Variants in SCAMP4 observed in about 807,000 individuals in gnomAD.
SCAMP4 encodes the protein secretory carrier membrane protein 4.
SCAMP4 carries 19 observed loss-of-function variants against 32.1 expected under a neutral mutation model. The ratio of observed to expected loss-of-function variants is 0.59; its 90% confidence interval spans 0.41 to 0.87. SCAMP4 has a LOEUF of 0.87. Ranked by LOEUF, SCAMP4 falls within the 40% of genes least tolerant of loss-of-function variation. SCAMP4 has a pLI of 0.00. For synonymous variants in SCAMP4, 152 were observed against 132.7 expected, an observed-to-expected ratio of 1.15 and a Z score of -1.00; for missense variants, 302 against 309.0, an observed-to-expected ratio of 0.98 and a Z score of 0.17.
chr19:1,905,400 A>G lies in SCAMP4; in HGVS notation c.-81A>G, dbSNP rs1479590405. The stretch of plus-strand genomic sequence containing the variant: ...GTGGGTTGGGCCGGGCCGGTTGCTA[A>G]GACTTGGCGAAGCGCTGCGCTCGCG... On this transcript the variant is annotated 5_prime_UTR_variant, in exon 1 of 7. Transcript: ENST00000316097. 3 of 464,074 alleles carry G rather than the reference A, an allele frequency of 6.5e-6. No homozygotes were observed. The highest frequency in any genetic ancestry group is 1.3e-5 in the Non-Finnish European group (3 of 224,114). 28.7% of individuals were successfully genotyped at this position (464,074 alleles called of 1,614,324 possible).
intron 1 of SCAMP4, chr19:1,912,394 C>G: frequency 6.6e-7 from 1 of 1,517,828 alleles, no homozygotes. Flanking sequence ...GCTGGGCCGG[C>G]CTCGGGCCCG....
At chr19:1,913,667 A>C (rs771624596) in intron 1 of SCAMP4, among the ~76,000 whole-genome samples, 52 of 152,286 alleles carry the variant, frequency 3.4e-4, no homozygotes, top group Middle Eastern at 6.8e-3. Context: ...GTGTGTGGAC[A>C]CTAGGCGTAG....
chr19:1,921,440 C>T (rs769092425), intron 5 of SCAMP4: 67 of 985,300 alleles, frequency 6.8e-5, no homozygotes, highest in Non-Finnish European at 7.4e-5. Flanking sequence ...ACTGAGGACA[C>T]GGTGCAGCAG....
At chr19:1,910,259 C>T (rs985989319) in intron 1 of SCAMP4, among the ~76,000 whole-genome samples, 2 of 152,216 alleles carry the variant, frequency 1.3e-5, no homozygotes, top group Admixed American at 6.5e-5. Flanking sequence ...TTGCAACTCA[C>T]GCAGGCGTTG....
At chr19:1,914,908 C>T (rs552888690) in intron 1 of SCAMP4, 71 bp from the exon 2 acceptor site, 30 of 1,309,860 alleles carry the variant, frequency 2.3e-5, no homozygotes, top group Admixed American at 1.7e-4. Context: ...TTTTCAGCCA[C>T]GGTGGGTGGG....
intron 1 of SCAMP4, chr19:1,912,737 C>T (rs772217622): frequency 5.2e-6 from 8 of 1,539,130 alleles, no homozygotes; most frequent in Admixed American, 1.9e-5. Context: ...GCCACGACTG[C>T]AGCTGCGCGG....
At chr19:1,911,996 G>T in intron 1 of SCAMP4, 1 of 1,411,484 alleles carries the variant, frequency 7.1e-7, no homozygotes, top group South Asian at 1.5e-5. Flanking sequence ...GTGGAGCCAC[G>T]GCCTCCCGGG....
Position 1,918,281 on chromosome 19 carries a change from C to T in SCAMP4, c.291C>T (p.Phe97=). ...VCWFRPVYKA[F]RADSSFNFMA... is the part of the protein sequence containing the mutation. Reference sequence around the variant, plus strand: ...GGTTCCGGCCTGTCTACAAGGCCTTCCGGTGAGCAGAGCTGCCGGGGGCCG... The same window carrying T: ...GGTTCCGGCCTGTCTACAAGGCCTTTCGGTGAGCAGAGCTGCCGGGGGCCG... The change falls in exon 4 of 7, where the codon TTC becomes TTT. Residue 97 remains phenylalanine, a splice_region_variant and synonymous_variant. Coordinates refer to ENST00000316097, the MANE Select transcript of SCAMP4 (RefSeq NM_079834.4). The T allele has an allele frequency of 6.3e-7, 1 of 1,598,470 alleles. No individual in the cohort carries two copies.
rs1465463277 is a variant in SCAMP4 at position 1,925,431 on chromosome 19, A to G, written c.*1147A>G. 1.3e-5 allele frequency: 2 copies of G among 152,548 alleles called. No individual in the cohort carries two copies. Among genetic ancestry groups the G allele is most frequent in the Admixed American group, 1.3e-4 (2 of 15,244 alleles). The allele number at this position is 152,548 out of a possible 1,614,324, so 9.4% of individuals were successfully genotyped here. The stretch of plus-strand genomic sequence containing the variant: ...CCTTTTATGAGAGGGGACCCGTCAA[A>G]TCTGTGCCTTATGGAGGGGTCCGGC... On this transcript the variant is annotated 3_prime_UTR_variant, in exon 7 of 7. Coordinates refer to ENST00000316097, the MANE Select transcript of SCAMP4 (RefSeq NM_079834.4).
At chr19:1,913,128 C>T (rs754903006) in intron 1 of SCAMP4, 67 of 1,575,204 alleles carry the variant, frequency 4.3e-5, no homozygotes, top group Non-Finnish European at 4.3e-5. Flanking sequence ...GGAGCAGTGC[C>T]GCTGGCTGGA....
In SCAMP4 at chr19:1,913,146, A is replaced by T. The variant is rs769886333; in HGVS notation, c.-41-1833A>T. 3.9e-6 allele frequency: 6 copies of T among 1,546,610 alleles called. No individual in the cohort carries two copies. The East Asian group carries it at 1.4e-4, about 37-fold the overall frequency. On this transcript the variant is annotated intron_variant, in intron 1 of 6. Coordinates refer to ENST00000316097, the MANE Select transcript of SCAMP4 (RefSeq NM_079834.4). ...GCAGTGCCGCTGGCTGGACCCCGAC[A>T]CGTAGGCGCCGCCCTCCTGCCTCCG...
At position 1,910,170 on chromosome 19, in the gene SCAMP4, C is replaced by T. The variant is rs151298615; in HGVS notation, c.-42+4731C>T. ...ATGTGACATGGCTGGCTCCTCTCTG[C>T]GGGGTCTCACCGGGCTGGAACCCAG... On this transcript the variant is annotated intron_variant, in intron 1 of 6. Coordinates refer to ENST00000316097, the MANE Select transcript of SCAMP4 (RefSeq NM_079834.4). Among the ~76,000 whole-genome samples the T allele has an allele frequency of 3.2e-4, 48 of 152,272 alleles. 2 individuals are homozygous for T. The East Asian group carries it at 3.9e-3, about 12-fold the overall frequency.
chr19:1,921,016 G>A, intron 5 of SCAMP4: 2 of 985,434 alleles, frequency 2.0e-6, no homozygotes, highest in Admixed American at 6.1e-5. Context: ...GAAGGTGAAC[G>A]CTCTTGAGAA....
intron 5 of SCAMP4, chr19:1,922,025 A>G (rs2013936153): frequency 3.0e-6 from 3 of 985,326 alleles, no homozygotes; most frequent in Non-Finnish European, 3.6e-6. Context: ...CTGCCTGTGC[A>G]CCAGGGAGGG....
chr19:1,919,074 C>T (rs554315639), intron 5 of SCAMP4, 84 bp downstream of exon 5: 61 of 1,550,450 alleles, frequency 3.9e-5, no homozygotes, highest in Middle Eastern at 3.5e-4. Context: ...AGGCGGCCAC[C>T]GGAGCGTGCT....
Position 1,908,509 on chromosome 19 carries a change from CG to C in SCAMP4, c.-42+3074del. On this transcript the variant is annotated intron_variant, in intron 1 of 6. Coordinates refer to ENST00000316097, the MANE Select transcript of SCAMP4 (RefSeq NM_079834.4). The surrounding 1 kb of genome is among the most constrained non-coding windows in gnomAD (Gnocchi z 4.2). ...CTGCGGGAGGAGCCGTCCATACCAG[CG>C]GGGATGTGTAGTCCAGGCTGGCAGT... 1 of 471,064 alleles carries C rather than the reference CG, an allele frequency of 2.1e-6. No individual in the cohort carries two copies. Among genetic ancestry groups the C allele is most frequent in the Non-Finnish European group, 4.4e-6 (1 of 227,024 alleles). 29.2% of individuals were successfully genotyped at this position (471,064 alleles called of 1,614,324 possible).
chr19:1,912,815 C>G, intron 1 of SCAMP4: 9 of 1,587,540 alleles, frequency 5.7e-6, no homozygotes, highest in East Asian at 2.3e-5. Context: ...GCCGCGGCAC[C>G]TACGACTTCA....
chr19:1,920,866 G>A lies in SCAMP4; in HGVS notation c.395+1876G>A, dbSNP rs1403244710. ...CCCGGCATGAGGTGAGTGCCCACAT[G>A]TGACCCTCAGAGACCTCCCTGCCCC... is the stretch of plus-strand genomic sequence containing the variant. On this transcript the variant is annotated intron_variant, in intron 5 of 6. Coordinates refer to ENST00000316097, the MANE Select transcript of SCAMP4 (RefSeq NM_079834.4). 1.0e-5 allele frequency: 10 copies of A among 985,390 alleles called. No homozygotes were observed. The African/African-American group carries it at 1.6e-4, about 15-fold the overall frequency. 61.0% of individuals were successfully genotyped at this position (985,390 alleles called of 1,614,324 possible).
rs573559126 is a variant in SCAMP4, at chr19:1,909,714, C to T, written c.-42+4275C>T. On this transcript the variant is annotated intron_variant, in intron 1 of 6. Coordinates refer to ENST00000316097, the MANE Select transcript of SCAMP4 (RefSeq NM_079834.4). Reference sequence around the variant, plus strand: ...CAGTCAGGGATGTTAGCAGGAGCCCCGGGAGTGATCCCAGCTCTTCCCGCA... The same window carrying T: ...CAGTCAGGGATGTTAGCAGGAGCCCTGGGAGTGATCCCAGCTCTTCCCGCA... 7.2e-5 allele frequency among the ~76,000 whole-genome samples: 11 copies of T among 151,810 alleles called. No homozygotes were observed. The East Asian group carries it at 1.9e-3, about 27-fold the overall frequency.
Sources: gnomAD v4.1 joint callset for allele counts (sites outside exome capture counted in the v4.1 genomes callset) on GRCh38, gnomAD v4.1.1 for gene constraint, Gnocchi (gnomAD v3.1) non-coding constraint, MANE v1.5 for transcripts, NCBI Gene and HGNC (gene_info 2026-07-23, HGNC 2026-07-21) for gene names.